Variants in KIF27 observed in about 807,000 individuals in gnomAD.
KIF27 encodes kinesin-like protein KIF27.
Under a neutral mutation model 141.8 loss-of-function variants are expected in KIF27, and 84 were observed. That is an observed-to-expected ratio of 0.59 (90% CI 0.50 to 0.71). The LOEUF (loss-of-function observed/expected upper bound fraction) is 0.71, where lower values mean the gene tolerates loss of function less well. Among genes scored for constraint, KIF27 ranks in the 30% least tolerant of loss-of-function variants. The pLI, the probability that KIF27 is intolerant of heterozygous loss-of-function variation, is 0.00. For synonymous variants in KIF27, 471 were observed against 569.5 expected (o/e 0.83, Z 2.46); for missense variants, 1,306 against 1,628.4 (o/e 0.80, Z 3.41).
rs1165004063 is a variant in KIF27, at chr9:83,850,223, C to T, written c.3432G>A (p.Arg1144=). Residue 1144 remains arginine (R), a synonymous_variant, in exon 16 of 18, where the codon CGG becomes CGA. Coordinates refer to ENST00000297814, the MANE Select transcript of KIF27 (RefSeq NM_017576.4). ...ATTCTAATTCACGAACCATATTATC[C>T]CGTTCCAGAACTTTCATTTTCATTT... ...NEEMKMKVLE[R]DNMVRELESA... 5 of 1,613,474 alleles carry T rather than the reference C, an allele frequency of 3.1e-6. No individual in the cohort carries two copies. Among genetic ancestry groups the T allele is most frequent in the Non-Finnish European group, 4.2e-6 (5 of 1,179,412 alleles).
chr9:83,915,903 T>A (rs1245321526), intron 1 of KIF27, among the ~76,000 whole-genome samples: 1 of 152,098 alleles, frequency 6.6e-6, no homozygotes, highest in African/African-American at 2.4e-5. Context: ...AGTTGATAAA[T>A]GATGAAGCTA....
At chr9:83,920,417 G>A (rs1419625228) in intron 1 of KIF27, among the ~76,000 whole-genome samples, 3 of 152,278 alleles carry the variant, frequency 2.0e-5, no homozygotes, top group East Asian at 3.9e-4. Context: ...TCGTATTTAA[G>A]TATACTCAAC....
At chr9:83,880,679 A>G (rs1035363181) in intron 10 of KIF27, among the ~76,000 whole-genome samples, 185 bp from the exon 11 acceptor site, 1 of 152,244 alleles carries the variant, frequency 6.6e-6, no homozygotes, top group Non-Finnish European at 1.5e-5. Flanking sequence ...AAACCATCAT[A>G]ATTTGCATCA....
At chr9:83,841,754 A>G (rs1033142914) in intron 17 of KIF27, among the ~76,000 whole-genome samples, 2 of 152,208 alleles carry the variant, frequency 1.3e-5, no homozygotes, top group East Asian at 1.9e-4. Flanking sequence ...CTAAATCTAC[A>G]TATCTACATA....
chr9:83,839,209 G>A (rs2131460761), intron 17 of KIF27, among the ~76,000 whole-genome samples: 1 of 152,226 alleles, frequency 6.6e-6, no homozygotes, highest in South Asian at 2.1e-4. Context: ...CTGGGGGAAG[G>A]AGTAAGGCAT....
chr9:83,837,511 A>T, intron 17 of KIF27, 26 bp from the exon 18 acceptor site: 2 of 1,554,084 alleles, frequency 1.3e-6, no homozygotes, highest in Non-Finnish European at 1.7e-6. Context: ...AAACCAAAAA[A>T]TTAGATACTA....
chr9:83,879,413 C>T (rs1951494146), intron 11 of KIF27, among the ~76,000 whole-genome samples: 3 of 150,678 alleles, frequency 2.0e-5, no homozygotes, highest in Middle Eastern at 6.9e-3. Flanking sequence ...TAAACATGTG[C>T]AGGGACAGGG....
At position 83,889,270 on chromosome 9, in the gene KIF27, C is replaced by T. The variant is rs778078264; in HGVS notation, c.1810-17G>A. 2.1e-5 allele frequency: 33 copies of T among 1,565,130 alleles called. No homozygotes were observed. Among genetic ancestry groups the T allele is most frequent in the African/African-American group, 4.1e-5 (3 of 73,680 alleles). On this transcript the variant is annotated splice_polypyrimidine_tract_variant and intron_variant, in intron 6 of 17. Transcript: ENST00000297814. ...TGTGTGGACCTTGCAAGTGATTCCC[C>T]CACCCAACAACAAAAAAAGTGATAT...
chr9:83,858,391 C>G (rs1346850624), intron 14 of KIF27: 1 of 152,180 alleles, frequency 6.6e-6, no homozygotes, highest in African/African-American at 2.4e-5. Flanking sequence ...TATTCACCTT[C>G]TCTTAGCAAT....
At position 83,853,702 on chromosome 9, in the gene KIF27, G is replaced by C; in HGVS notation, c.3284C>G (p.Ala1095Gly). ...GCAAGCTAGCTTTTCCAAGACATTT[G>C]CTTCACCACGAGAGAGGTTATGGAA... ...ASFHNLSRGE[A>G]NVLEKLACLS... The change falls in exon 15 of 18, where the codon GCA becomes GGA. Residue 1095 changes from alanine (A) to glycine (G), a missense_variant. By Grantham distance (60) the Ala-to-Gly change is moderately conservative. Coordinates refer to ENST00000297814, the MANE Select transcript of KIF27 (RefSeq NM_017576.4). 1 of 1,613,750 alleles carries C rather than the reference G, an allele frequency of 6.2e-7. No homozygotes were observed. The highest frequency in any genetic ancestry group is 8.5e-7 in the Non-Finnish European group (1 of 1,179,754).
intron 6 of KIF27, among the ~76,000 whole-genome samples, chr9:83,890,379 A>G (rs1040098901): frequency 1.3e-5 from 2 of 152,158 alleles, no homozygotes; most frequent in African/African-American, 4.8e-5. Flanking sequence ...GTACTGATCT[A>G]ACAAATACAA....
chr9:83,839,248 G>T (rs1226226439), intron 17 of KIF27, among the ~76,000 whole-genome samples: 1 of 152,164 alleles, frequency 6.6e-6, no homozygotes, highest in East Asian at 1.9e-4. Context: ...TAAGGAAAGA[G>T]TCTCATTGTT....
chr9:83,848,201 CAGATA>C lies in KIF27; in HGVS notation c.3556+1893_3556+1897del, dbSNP rs1947820964. On this transcript the variant is annotated intron_variant, in intron 16 of 17. Coordinates refer to ENST00000297814, the MANE Select transcript of KIF27 (RefSeq NM_017576.4). ...ATCATATATGATATATATGATATAT[CAGATA>C]TGATATATATGATATATCAGATATG... is the stretch of plus-strand genomic sequence containing the variant. Among the ~76,000 whole-genome samples, 3 of 56,274 alleles carry C rather than the reference CAGATA, an allele frequency of 5.3e-5. 1 individual carries two copies. Among genetic ancestry groups the C allele is most frequent in the African/African-American group, 2.8e-4 (3 of 10,622 alleles). The allele number at this position is 56,274 out of a possible 152,430, so 36.9% of individuals were successfully genotyped here.
intron 15 of KIF27, among the ~76,000 whole-genome samples, chr9:83,852,228 G>A (rs1489044017): frequency 1.3e-5 from 2 of 151,962 alleles, no homozygotes; most frequent in East Asian, 3.9e-4. Context: ...GGCGGATCAT[G>A]AGGTCAGGAG....
At chr9:83,891,616 A>G in intron 5 of KIF27, 115 bp from the exon 6 acceptor site, 2 of 966,736 alleles carry the variant, frequency 2.1e-6, no homozygotes, top group Non-Finnish European at 3.0e-6. Flanking sequence ...AATACAGTCA[A>G]TTCTCATTTA....
chr9:83,856,632 T>G (rs1269973214), intron 14 of KIF27, among the ~76,000 whole-genome samples: 1 of 151,212 alleles, frequency 6.6e-6, no homozygotes, highest in Non-Finnish European at 1.5e-5. Flanking sequence ...TGCCAGCTAC[T>G]CAGGTGGCTG....
intron 12 of KIF27, among the ~76,000 whole-genome samples, chr9:83,868,747 C>A (rs1299957384): frequency 6.6e-6 from 1 of 152,102 alleles, no homozygotes; most frequent in East Asian, 1.9e-4. Flanking sequence ...ATCTATCATA[C>A]AATGAGACAG....
At position 83,841,936 on chromosome 9, in the gene KIF27, T is replaced by C. The variant is rs59849916; in HGVS notation, c.3721+301A>G. Among the ~76,000 whole-genome samples the C allele has an allele frequency of 3.9e-5, 6 of 152,248 alleles. No homozygotes were observed. The East Asian group carries it at 9.6e-4, about 24-fold the overall frequency. On this transcript the variant is annotated intron_variant, in intron 17 of 17. Coordinates refer to ENST00000297814, the MANE Select transcript of KIF27 (RefSeq NM_017576.4). The stretch of plus-strand genomic sequence containing the variant: ...TCAGAAGGCTTAATTTACTATAAAA[T>C]AGGAAAACAACAGCTATGTTAGATA...
At chr9:83,848,402 TG>T (rs552469285) in intron 16 of KIF27, among the ~76,000 whole-genome samples, 3 of 135,946 alleles carry the variant, frequency 2.2e-5, no homozygotes, top group African/African-American at 8.3e-5. Flanking sequence ...ATGCTATATA[TG>T]CATATATGAT....
Sources: allele counts gnomAD v4.1 joint callset (sites outside exome capture counted in the v4.1 genomes callset), GRCh38; gene constraint gnomAD v4.1.1; transcripts MANE v1.5; gene names NCBI Gene and HGNC (gene_info 2026-07-23, HGNC 2026-07-21).